Variants in DNAH11 observed in about 807,000 individuals in gnomAD.
DNAH11 encodes dynein axonemal heavy chain 11, also known as axonemal beta dynein heavy chain 11.
In DNAH11, 442 loss-of-function variants were observed where a neutral mutation model predicts 526.0. That is an observed-to-expected ratio of 0.84 (90% CI 0.78 to 0.91). The LOEUF (loss-of-function observed/expected upper bound fraction) is 0.91. Ranked by LOEUF, DNAH11 falls within the 40% of genes least tolerant of loss-of-function variation. DNAH11 has a pLI of 0.00. For missense variants in DNAH11, 6,989 were observed against 5,448.7 expected (o/e 1.28, Z -8.90); for synonymous variants, 2,461 against 1,935.9 (o/e 1.27, Z -7.12).
chr7:21,774,096 TG>T, intron 56 of DNAH11, 97 bp downstream of exon 56: 1 of 1,110,798 alleles, frequency 9.0e-7, no homozygotes, highest in Non-Finnish European at 1.3e-6. Context: ...TTCTATAAGA[TG>T]CCAGCTGGTG....
At chr7:21,849,793 A>T (rs1356703030) in intron 66 of DNAH11, among the ~76,000 whole-genome samples, 1 of 151,968 alleles carries the variant, frequency 6.6e-6, no homozygotes, top group African/African-American at 2.4e-5. Flanking sequence ...CTAAGAGTTG[A>T]TTTTTTGGCA....
chr7:21,651,948 A>G (rs1472585842), intron 28 of DNAH11, among the ~76,000 whole-genome samples: 1 of 152,274 alleles, frequency 6.6e-6, no homozygotes, highest in East Asian at 1.9e-4. Flanking sequence ...CTTCACACAC[A>G]GACAGCTAAG....
chr7:21,884,625 G>T (rs1784055447), intron 76 of DNAH11, among the ~76,000 whole-genome samples: 1 of 152,114 alleles, frequency 6.6e-6, no homozygotes, highest in African/African-American at 2.4e-5. Flanking sequence ...TGATCTCTGT[G>T]TGTGCTAGAG....
At chr7:21,838,156 C>T (rs1782065627) in intron 65 of DNAH11, among the ~76,000 whole-genome samples, 2 of 152,170 alleles carry the variant, frequency 1.3e-5, no homozygotes, top group Admixed American at 1.3e-4. Flanking sequence ...TGATGCTCTC[C>T]ACTGTAGACA....
intron 42 of DNAH11, among the ~76,000 whole-genome samples, chr7:21,716,619 C>T (rs1050048629): frequency 6.6e-6 from 1 of 152,202 alleles, no homozygotes; most frequent in African/African-American, 2.4e-5. Context: ...ACTTTCCACT[C>T]TGGCAGCTGA....
At chr7:21,868,034 C>A (rs67137824) in intron 72 of DNAH11, 27 bp downstream of exon 72, 51 of 1,464,374 alleles carry the variant, frequency 3.5e-5, no homozygotes, top group Non-Finnish European at 4.4e-5. Flanking sequence ...CTCGCTGGCC[C>A]GCCCCTTCTC....
chr7:21,839,296 C>T (rs944405983), intron 65 of DNAH11, among the ~76,000 whole-genome samples: 4 of 151,936 alleles, frequency 2.6e-5, no homozygotes, highest in East Asian at 3.9e-4. Context: ...TGATGCCGAC[C>T]GGGTATGGTG....
intron 61 of DNAH11, among the ~76,000 whole-genome samples, chr7:21,798,295 C>T (rs965338285): frequency 1.3e-5 from 2 of 152,134 alleles, no homozygotes; most frequent in Admixed American, 1.3e-4. Context: ...GGAGTTTCAC[C>T]CTGCTGGCCA....
intron 25 of DNAH11, among the ~76,000 whole-genome samples, chr7:21,626,152 C>T (rs1035915487): frequency 1.3e-5 from 2 of 152,162 alleles, no homozygotes; most frequent in African/African-American, 2.4e-5. Context: ...CTATCTAACA[C>T]TGGGTCTTAT....
At position 21,818,299 on chromosome 7, in the gene DNAH11, C is replaced by G. The variant is rs753542650; in HGVS notation, c.10651C>G (p.Leu3551Val). 3.1e-6 allele frequency: 5 copies of G among 1,610,924 alleles called. No homozygotes were observed. The highest frequency in any genetic ancestry group is 2.2e-5 in the East Asian group (1 of 44,740). ...TCTCGAGGAAACGATAGATCCAGTC[C>G]TGGATCCACTACTTGGCAGGAACAC... The part of the protein sequence containing the change: ...ENLEETIDPV[L>V]DPLLGRNTIK... Residue 3551 changes from leucine to valine, a missense_variant, in exon 65 of 82, where the codon CTG becomes GTG. Leu to Val is a conservative substitution (Grantham distance 32). Coordinates refer to ENST00000409508, the MANE Select transcript of DNAH11 (RefSeq NM_001277115.2).
chr7:21,551,387 G>A (rs1316167245), intron 2 of DNAH11, among the ~76,000 whole-genome samples: 1 of 152,184 alleles, frequency 6.6e-6, no homozygotes. Context: ...CTGGAAGCAG[G>A]AGGCTTTCTA....
intron 30 of DNAH11, among the ~76,000 whole-genome samples, chr7:21,680,655 C>T (rs925573553): frequency 3.9e-5 from 6 of 152,134 alleles, no homozygotes; most frequent in African/African-American, 1.4e-4. Context: ...CATGGCATTC[C>T]ATTTTATTCC....
At chr7:21,724,099 A>G (rs539950219) in intron 44 of DNAH11, among the ~76,000 whole-genome samples, 32 of 152,220 alleles carry the variant, frequency 2.1e-4, no homozygotes, top group Non-Finnish European at 3.7e-4. Flanking sequence ...AAGATTTGTC[A>G]CCAAAATCAT....
In DNAH11 at chr7:21,735,766, A is replaced by G; in HGVS notation, c.7567A>G (p.Thr2523Ala). 1 of 1,614,032 alleles carries G rather than the reference A, an allele frequency of 6.2e-7. No homozygotes were observed. Among genetic ancestry groups the G allele is most frequent in the Non-Finnish European group, 8.5e-7 (1 of 1,179,896 alleles). ...GVGKTVFVGD[T>A]LASLSEDYIV... ...GGGAAAAACAGTCTTTGTAGGTGAC[A>G]CATTGGCAAGTCTCTCTGAGGATTA... Residue 2523 changes from threonine to alanine, a missense_variant, in exon 46 of 82, where the codon ACA becomes GCA. Physicochemically the swap from Thr to Ala is moderately conservative, Grantham distance 58 (BLOSUM62 0). Transcript: ENST00000409508.
intron 58 of DNAH11, among the ~76,000 whole-genome samples, chr7:21,786,302 A>ATGTGTGTGTG (rs58775729): frequency 3.6e-4 from 54 of 150,954 alleles, no homozygotes; most frequent in African/African-American, 5.6e-4. Context: ...ACATATACAC[A>ATGTGTGTGTG]TGTGTGTGTG....
Position 21,894,680 on chromosome 7 carries a change from G to A in DNAH11, c.12808G>A (p.Glu4270Lys), listed in dbSNP as rs769121763. Reference sequence around the variant, plus strand: ...ACTTCCAGAAGAGTTCAACATGGCAGAGATAATGCAAAAAAATTCAAATAG... The same window carrying A: ...ACTTCCAGAAGAGTTCAACATGGCAAAGATAATGCAAAAAAATTCAAATAG... ...EKLPEEFNMA[E>K]IMQKNSNRSP... Residue 4270 changes from glutamate to lysine, a missense_variant, in exon 78 of 82, where the codon GAG (glutamate) becomes AAG (lysine). Physicochemically the swap from Glu to Lys is moderately conservative, Grantham distance 56. Coordinates refer to ENST00000409508, the MANE Select transcript of DNAH11 (RefSeq NM_001277115.2). The A allele has an allele frequency of 2.5e-6, 4 of 1,614,022 alleles. No individual in the cohort carries two copies. The South Asian group carries it at 3.3e-5, about 13-fold the overall frequency.
intron 28 of DNAH11, among the ~76,000 whole-genome samples, chr7:21,641,438 C>A (rs1787128211): frequency 6.6e-6 from 1 of 152,154 alleles, no homozygotes; most frequent in Non-Finnish European, 1.5e-5. Context: ...TCTTACCAAA[C>A]CCTGGAAGGA....
At chr7:21,854,174 G>A in intron 67 of DNAH11, 141 bp from the exon 68 acceptor site, 3 of 783,632 alleles carry the variant, frequency 3.8e-6, no homozygotes, top group African/African-American at 3.6e-5. Flanking sequence ...TTTTAGAAAA[G>A]CTCGAGCACA....
chr7:21,613,804 C>T (rs868193052), intron 20 of DNAH11, among the ~76,000 whole-genome samples: 1 of 152,084 alleles, frequency 6.6e-6, no homozygotes, highest in African/African-American at 2.4e-5. Flanking sequence ...TCACTCTGAC[C>T]AGGCTGTAGT....
Sources: allele counts gnomAD v4.1 joint callset (sites outside exome capture counted in the v4.1 genomes callset), GRCh38; gene constraint gnomAD v4.1.1; transcripts MANE v1.5; gene names NCBI Gene and HGNC (gene_info 2026-07-23, HGNC 2026-07-21).